MGA: variants seen among roughly 807,000 people sequenced by gnomAD.
The protein encoded by MGA is MAX gene-associated protein.
Under a neutral mutation model 261.1 loss-of-function variants are expected in MGA, and 40 were observed. That is an observed-to-expected ratio of 0.15 (90% CI 0.12 to 0.20). The LOEUF is 0.20. Among genes scored for constraint, MGA ranks in the 10% least tolerant of loss-of-function variants. The pLI is 1.00. For missense variants in MGA, 3,397 were observed against 3,630.5 expected (o/e 0.94, Z 1.65); for synonymous variants, 1,302 against 1,290.6 (o/e 1.01, Z -0.19).
rs879602897 is a variant in MGA at position 41,710,436 on chromosome 15, T to G, written c.2426-255T>G. Among the ~76,000 whole-genome samples the G allele has an allele frequency of 3.9e-5, 6 of 152,290 alleles. 1 individual carries two copies. The South Asian group carries it at 1.0e-3, about 26-fold the overall frequency. The stretch of plus-strand genomic sequence containing the variant: ...TATTAAGTATTTATTTTAAAAAATT[T>G]ATTTATGTTTTTAGGGACAGGGTCC... On this transcript the variant is annotated intron_variant, in intron 7 of 23. Transcript: ENST00000219905.
chr15:41,715,213 G>A (rs1219157712), intron 9 of MGA, among the ~76,000 whole-genome samples: 4 of 148,334 alleles, frequency 2.7e-5, no homozygotes, highest in Non-Finnish European at 4.5e-5. Context: ...GCAGTGGCAC[G>A]ATCTCGGCTC....
At chr15:41,760,761 AGTTTTGCT>A (rs879541823) in intron 20 of MGA, among the ~76,000 whole-genome samples, 2 of 149,444 alleles carry the variant, frequency 1.3e-5, no homozygotes, top group Non-Finnish European at 3.0e-5. Flanking sequence ...TTTGAGACGG[AGTTTTGCT>A]CTTGTTGCCC....
chr15:41,665,541 A>G (rs1166603107), intron 1 of MGA, among the ~76,000 whole-genome samples: 1 of 152,056 alleles, frequency 6.6e-6, no homozygotes, highest in Non-Finnish European at 1.5e-5. Context: ...CTACAGCTAC[A>G]CACCATTGTA....
intron 1 of MGA, among the ~76,000 whole-genome samples, chr15:41,622,361 C>G (rs959319765): frequency 7.9e-5 from 12 of 151,998 alleles, no homozygotes; most frequent in Non-Finnish European, 1.8e-4. Context: ...AATAATTTAA[C>G]AAATTCTTAA....
chr15:41,736,527 G>T lies in MGA; in HGVS notation c.4263G>T (p.Leu1421Phe), dbSNP rs775574758. ...GATCAGAGACTCCTGATGGTCCATTGTCCCCTGGGAAAATGGAGGATATCT... is the reference window on the plus strand; with the variant it reads ...GATCAGAGACTCCTGATGGTCCATTTTCCCCTGGGAAAATGGAGGATATCT... Residue 1421 changes from leucine to phenylalanine, a missense_variant, in exon 13 of 24, where the codon TTG becomes TTT. Around this residue, in one of 9 missense-constraint regions of MGA, gnomAD observed 1,410 missense variants for 1,386.4 expected, o/e 1.02. Transcript: ENST00000219905. 1 of 1,614,018 alleles carries T rather than the reference G, an allele frequency of 6.2e-7. No homozygotes were observed. Among genetic ancestry groups the T allele is most frequent in the East Asian group, 2.2e-5 (1 of 44,882 alleles).
At chr15:41,648,388 G>A (rs767736333) in intron 1 of MGA, among the ~76,000 whole-genome samples, 2 of 152,204 alleles carry the variant, frequency 1.3e-5, no homozygotes, top group African/African-American at 4.8e-5. Context: ...GATTAAATGA[G>A]TTAATATATG....
intron 2 of MGA, among the ~76,000 whole-genome samples, chr15:41,690,402 CTT>C (rs1396418457): frequency 1.3e-5 from 2 of 152,246 alleles, no homozygotes; most frequent in South Asian, 2.1e-4. Context: ...GTATACAAGT[CTT>C]TGCGTGAACA....
At chr15:41,685,684 T>C (rs2058915321) in intron 2 of MGA, among the ~76,000 whole-genome samples, 1 of 152,150 alleles carries the variant, frequency 6.6e-6, no homozygotes, top group African/African-American at 2.4e-5. Context: ...ATCCTTGTAA[T>C]TGGCATTTAA....
At chr15:41,686,550 G>C (rs974081451) in intron 2 of MGA, among the ~76,000 whole-genome samples, 2 of 151,938 alleles carry the variant, frequency 1.3e-5, no homozygotes, top group Admixed American at 6.6e-5. Context: ...TTTTTTTTGA[G>C]TGGTCATTCA....
Position 41,704,707 on chromosome 15 carries a change from A to G in MGA, c.2189-3021A>G, listed in dbSNP as rs180776756. Among the ~76,000 whole-genome samples, 14 of 152,286 alleles carry G rather than the reference A, an allele frequency of 9.2e-5. No individual in the cohort carries two copies. The East Asian group carries it at 2.5e-3, about 27-fold the overall frequency. Reference sequence around the variant, plus strand: ...TTGGTGATTAGCTGGAGTTTTCCTTATAATATGTGCTTTTCTATTCTGTGT... The same window carrying G: ...TTGGTGATTAGCTGGAGTTTTCCTTGTAATATGTGCTTTTCTATTCTGTGT... On this transcript the variant is annotated intron_variant, in intron 5 of 23. Transcript: ENST00000219905.
chr15:41,641,315 A>G (rs1347784492), intron 1 of MGA, among the ~76,000 whole-genome samples: 1 of 152,028 alleles, frequency 6.6e-6, no homozygotes, highest in African/African-American at 2.4e-5. Flanking sequence ...TTTTTTGTAT[A>G]AACTTATGTT....
intron 1 of MGA, among the ~76,000 whole-genome samples, chr15:41,653,778 C>T (rs1165155409): frequency 6.6e-6 from 1 of 151,920 alleles, no homozygotes. Flanking sequence ...AAGTTTCCCC[C>T]ACCTTTTTTC....
At chr15:41,684,390 C>G in intron 2 of MGA, 1 of 452,594 alleles carries the variant, frequency 2.2e-6, no homozygotes, top group Non-Finnish European at 4.4e-6. Context: ...TTGATTTTGC[C>G]TAGGTATTCT....
rs528460209 is a variant in MGA, at chr15:41,730,106, C to A, written c.3843+757C>A. Among the ~76,000 whole-genome samples, 67 of 152,204 alleles carry A rather than the reference C, an allele frequency of 4.4e-4. No individual in the cohort carries two copies. In the South Asian group the frequency reaches 0.011, roughly 24 times the overall value. ...ATGGGGTTCCACTATGTTGTCCAGGCTGGTCTCGAACTCCTGACCTCTGAT... is the reference window on the plus strand; with the variant it reads ...ATGGGGTTCCACTATGTTGTCCAGGATGGTCTCGAACTCCTGACCTCTGAT... On this transcript the variant is annotated intron_variant, in intron 11 of 23. Coordinates refer to ENST00000219905, the MANE Select transcript of MGA (RefSeq NM_001164273.2).
intron 9 of MGA, among the ~76,000 whole-genome samples, chr15:41,724,305 G>GT (rs1289256018): frequency 6.6e-6 from 1 of 152,028 alleles, no homozygotes. Context: ...TTCCTTTCCT[G>GT]TTTTTTCTCT....
At chr15:41,731,884 G>A (rs1251931652) in intron 11 of MGA, among the ~76,000 whole-genome samples, 1 of 152,102 alleles carries the variant, frequency 6.6e-6, no homozygotes, top group Non-Finnish European at 1.5e-5. Context: ...ACTGCCACTG[G>A]GCAATTATAC....
chr15:41,630,223 C>T (rs921022039), intron 1 of MGA, among the ~76,000 whole-genome samples: 21 of 152,172 alleles, frequency 1.4e-4, no homozygotes, highest in African/African-American at 4.3e-4. Context: ...CAAACTCCTA[C>T]TCAGTCTTCA....
In MGA at chr15:41,758,697, GTCT is replaced by G. The variant is rs375190745; in HGVS notation, c.7191+863_7191+865del. Reference sequence around the variant, plus strand: ...TAATGTTTATATTGCTTTTCTTTCTGTCTTCTTGGCTGTTTTATTCTCCCATTC... The same window carrying G: ...TAATGTTTATATTGCTTTTCTTTCTGTCTTGGCTGTTTTATTCTCCCATTC... On this transcript the variant is annotated intron_variant, in intron 19 of 23. Coordinates refer to ENST00000219905, the MANE Select transcript of MGA (RefSeq NM_001164273.2). Among the ~76,000 whole-genome samples, 27 of 151,970 alleles carry G rather than the reference GTCT, an allele frequency of 1.8e-4. No individual in the cohort carries two copies. The East Asian group carries it at 4.6e-3, about 26-fold the overall frequency.
intron 1 of MGA, among the ~76,000 whole-genome samples, chr15:41,662,443 A>T (rs1424686026): frequency 6.6e-6 from 1 of 152,206 alleles, no homozygotes; most frequent in African/African-American, 2.4e-5. Flanking sequence ...TCTGTGCCTT[A>T]AAACCTAAAA....
Sources: allele counts gnomAD v4.1 joint callset (sites outside exome capture counted in the v4.1 genomes callset), GRCh38; gene constraint gnomAD v4.1.1; regional missense constraint gnomAD v4.1.1; transcripts MANE v1.5; gene names NCBI Gene and HGNC (gene_info 2026-07-23, HGNC 2026-07-21).